Variants in SMYD3 observed in about 807,000 individuals in gnomAD.
SMYD3 encodes the protein SET and MYND domain containing 3.
A neutral mutation model predicts 57.7 loss-of-function variants in SMYD3; 36 were observed. The observed-to-expected ratio is 0.62, with a 90% CI of 0.48 to 0.82. The LOEUF (loss-of-function observed/expected upper bound fraction) is 0.82. SMYD3 is among the 40% of genes least tolerant of loss of function. The pLI is 0.00. For synonymous variants in SMYD3, 211 were observed against 195.0 expected (o/e 1.08, Z -0.68); for missense variants, 515 against 538.8 (o/e 0.96, Z 0.44).
intron 5 of SMYD3, among the ~76,000 whole-genome samples, chr1:246,212,707 G>C (rs2063109520): frequency 6.6e-6 from 1 of 152,042 alleles, no homozygotes; most frequent in African/African-American, 2.4e-5. Context: ...TTGAATGATA[G>C]TACTCTTAAG....
intron 5 of SMYD3, among the ~76,000 whole-genome samples, chr1:246,288,548 G>A (rs2064620268): frequency 6.6e-6 from 1 of 152,112 alleles, no homozygotes; most frequent in African/African-American, 2.4e-5. Flanking sequence ...GCTAAGGCTA[G>A]TCCAGGCACA....
At chr1:246,071,431 T>C (rs1056288176) in intron 5 of SMYD3, among the ~76,000 whole-genome samples, 2 of 152,250 alleles carry the variant, frequency 1.3e-5, no homozygotes, top group African/African-American at 4.8e-5. Flanking sequence ...ATTGCATTTA[T>C]ACATTATTTG....
chr1:246,478,139 G>A (rs2068051884), intron 1 of SMYD3, among the ~76,000 whole-genome samples: 2 of 152,162 alleles, frequency 1.3e-5, no homozygotes, highest in Non-Finnish European at 1.5e-5. Context: ...ATTATGACAC[G>A]ATCAAGACTA....
intron 1 of SMYD3, among the ~76,000 whole-genome samples, chr1:246,403,756 T>C (rs1262477545): frequency 4.6e-5 from 7 of 152,202 alleles, no homozygotes; most frequent in Non-Finnish European, 8.8e-5. Flanking sequence ...CAATAACACA[T>C]ACATGCTGAA....
chr1:246,236,853 TA>T, intron 5 of SMYD3, among the ~76,000 whole-genome samples: 1 of 152,148 alleles, frequency 6.6e-6, no homozygotes, highest in Middle Eastern at 3.4e-3. Flanking sequence ...AAGAAGGCTG[TA>T]AGAAAGGTAT....
In SMYD3 at chr1:245,955,955, G is replaced by C. The variant is rs1031129443; in HGVS notation, c.532-26018C>G. ...ATGTTGCTATAGTTTATAGCTGACA[G>C]ACCTCTTGATGTGTCTTCTAGGAGG... On this transcript the variant is annotated intron_variant, in intron 5 of 11. Transcript: ENST00000490107. 4.1e-6 allele frequency: 4 copies of C among 984,754 alleles called. No individual in the cohort carries two copies. The African/African-American group carries it at 7.0e-5, about 17-fold the overall frequency. The allele number at this position is 984,754 out of a possible 1,614,324, so 61.0% of individuals were successfully genotyped here. A position where few individuals can be genotyped will look rare whatever the true frequency, so the allele number is the denominator to read the frequency against.
chr1:246,300,428 T>C (rs1233482402), intron 5 of SMYD3, among the ~76,000 whole-genome samples: 1 of 152,098 alleles, frequency 6.6e-6, no homozygotes, highest in Non-Finnish European at 1.5e-5. Flanking sequence ...ACCAAAGAGA[T>C]TTCTAAAATA....
intron 10 of SMYD3, among the ~76,000 whole-genome samples, chr1:245,848,569 G>A (rs901225810): frequency 2.0e-5 from 3 of 151,894 alleles, no homozygotes; most frequent in Admixed American, 6.6e-5. Flanking sequence ...CCACCACCAC[G>A]CCCATCTACT....
intron 5 of SMYD3, among the ~76,000 whole-genome samples, chr1:246,092,380 A>C (rs1371285391): frequency 6.6e-6 from 1 of 152,226 alleles, no homozygotes; most frequent in Non-Finnish European, 1.5e-5. Context: ...CATCCTGTAC[A>C]TTAAAAAATG....
intron 8 of SMYD3, among the ~76,000 whole-genome samples, chr1:245,913,186 A>C (rs1201199239): frequency 6.6e-6 from 1 of 152,174 alleles, no homozygotes; most frequent in Admixed American, 6.5e-5. Context: ...GCAGCCATAA[A>C]AAAGGATGAG....
chr1:245,964,356 A>T (rs2058087703), intron 5 of SMYD3, among the ~76,000 whole-genome samples: 1 of 151,908 alleles, frequency 6.6e-6, no homozygotes, highest in African/African-American at 2.4e-5. Context: ...AAACAGTATC[A>T]CTCCCCAGTG....
At position 245,897,037 on chromosome 1, in the gene SMYD3, G is replaced by T. The variant is rs551517270; in HGVS notation, c.813+18493C>A. On this transcript the variant is annotated intron_variant, in intron 8 of 11. Coordinates refer to ENST00000490107, the MANE Select transcript of SMYD3 (RefSeq NM_001167740.2). ...TCCCTCCAGTAAAATAAACTTCATG[G>T]AACTAACACTTAAAAGAAGTGTGAT... is the stretch of plus-strand genomic sequence containing the variant. Among the ~76,000 whole-genome samples the T allele has an allele frequency of 2.0e-5, 3 of 152,274 alleles. No individual in the cohort carries two copies. In the East Asian group the frequency reaches 5.8e-4, roughly 29 times the overall value.
At chr1:245,875,289 A>T (rs1284596764) in intron 8 of SMYD3, among the ~76,000 whole-genome samples, 1 of 152,252 alleles carries the variant, frequency 6.6e-6, no homozygotes, top group African/African-American at 2.4e-5. Flanking sequence ...ACGGAGCTTC[A>T]TAAACATTAG....
intron 5 of SMYD3, among the ~76,000 whole-genome samples, chr1:246,134,990 G>C (rs1224542126): frequency 6.7e-6 from 1 of 149,646 alleles, no homozygotes; most frequent in East Asian, 1.9e-4. Context: ...TTGGTACCTT[G>C]GTTAGTGCTG....
At chr1:245,750,632 T>G (rs2045303977) in intron 11 of SMYD3, among the ~76,000 whole-genome samples, 1 of 151,496 alleles carries the variant, frequency 6.6e-6, no homozygotes, top group Admixed American at 6.6e-5. Flanking sequence ...TTTGGGATGG[T>G]TATGGAACAA....
chr1:245,927,342 T>C (rs1286547703), intron 7 of SMYD3, among the ~76,000 whole-genome samples: 2 of 152,210 alleles, frequency 1.3e-5, no homozygotes, highest in Non-Finnish European at 2.9e-5. Flanking sequence ...GCCAGTTCAC[T>C]GCTGGAGGTC....
chr1:246,160,765 A>G (rs539823835), intron 5 of SMYD3, among the ~76,000 whole-genome samples: 1 of 152,330 alleles, frequency 6.6e-6, no homozygotes, highest in South Asian at 2.1e-4. Flanking sequence ...CATGGGGGAC[A>G]GCAGTGAGTG....
intron 5 of SMYD3, among the ~76,000 whole-genome samples, chr1:246,056,393 A>G (rs1273931309): frequency 6.6e-6 from 1 of 152,122 alleles, no homozygotes; most frequent in Non-Finnish European, 1.5e-5. Flanking sequence ...TCCATTTCAT[A>G]TGTTACTCCA....
intron 11 of SMYD3, among the ~76,000 whole-genome samples, chr1:245,753,685 C>A (rs2148012278): frequency 6.6e-6 from 1 of 152,240 alleles, no homozygotes; most frequent in South Asian, 2.1e-4. Flanking sequence ...CTGGGCACAG[C>A]CCTTCAGTAC....
Sources: gnomAD v4.1 joint callset for allele counts (sites outside exome capture counted in the v4.1 genomes callset) on GRCh38, gnomAD v4.1.1 for gene constraint, MANE v1.5 for transcripts, NCBI Gene and HGNC (gene_info 2026-07-23, HGNC 2026-07-21) for gene names.